DAAM1: variants seen among roughly 807,000 people sequenced by gnomAD.
The protein encoded by DAAM1 is dishevelled associated activator of morphogenesis 1, also known as disheveled-associated activator of morphogenesis 1.
DAAM1 carries 52 observed loss-of-function variants against 130.0 expected under a neutral mutation model. That is an observed-to-expected ratio of 0.40 (90% CI 0.32 to 0.50). The LOEUF (loss-of-function observed/expected upper bound fraction) is 0.50, where lower values mean the gene tolerates loss of function less well. DAAM1 is among the 20% of genes least tolerant of loss of function. The probability of loss-of-function intolerance (pLI) is 0.61; values close to 1 mark genes in which losing one functional copy is unlikely to be tolerated. For synonymous variants in DAAM1, 452 were observed against 444.5 expected, an observed-to-expected ratio of 1.02 and a Z score of -0.21; for missense variants, 1,134 against 1,303.8, an observed-to-expected ratio of 0.87 and a Z score of 2.01.
At chr14:59,327,084 G>A (rs550855233) in intron 12 of DAAM1, 93 bp downstream of exon 12, 38 of 1,401,812 alleles carry the variant, frequency 2.7e-5, no homozygotes, top group Admixed American at 1.1e-4. Flanking sequence ...GATGTTTCTT[G>A]TTAGCTTGGT....
rs566551485 is a variant in DAAM1, at chr14:59,259,459, G to A, written c.-37-3982G>A. On this transcript the variant is annotated intron_variant, in intron 1 of 24. Transcript: ENST00000360909. ...CTATTTTAGCTTACTTAATTTTCTTGCCCTCATTTCCTGGTAGCCTGAACA... is the reference window on the plus strand; with the variant it reads ...CTATTTTAGCTTACTTAATTTTCTTACCCTCATTTCCTGGTAGCCTGAACA... Among the ~76,000 whole-genome samples the A allele has an allele frequency of 2.0e-5, 3 of 152,228 alleles. No individual in the cohort carries two copies. In the East Asian group the frequency reaches 5.8e-4, roughly 29 times the overall value.
At chr14:59,259,999 G>C (rs72726353) in intron 1 of DAAM1, among the ~76,000 whole-genome samples, 33,478 of 151,940 alleles carry the variant, frequency 0.22, 3,797 homozygotes, top group East Asian at 0.33. Context: ...AGCTGAGATC[G>C]CGCCACTGCA....
chr14:59,291,349 T>C (rs550428888), intron 3 of DAAM1, 43 bp downstream of exon 3: 79 of 1,439,816 alleles, frequency 5.5e-5, no homozygotes, highest in East Asian at 1.2e-4. Context: ...AAAATAATCA[T>C]TGATTCCATT....
chr14:59,227,826 AG>A (rs1566658048), intron 1 of DAAM1, among the ~76,000 whole-genome samples: 1 of 152,226 alleles, frequency 6.6e-6, no homozygotes, highest in African/African-American at 2.4e-5. Context: ...GAGCACCCAT[AG>A]GGGCACCCAG....
At chr14:59,255,614 T>A (rs1474176315) in intron 1 of DAAM1, among the ~76,000 whole-genome samples, 1 of 152,202 alleles carries the variant, frequency 6.6e-6, no homozygotes, top group East Asian at 1.9e-4. Context: ...TGAGGTAAAC[T>A]GCAGTTCTGA....
rs1322986186 is a variant in DAAM1, at chr14:59,249,666, A to C, written c.-37-13775A>C. ...TCAAGACCATCTCTTTCCCCTTGTA[A>C]ATTCAGTCACCATTTTTCATTTTAT... On this transcript the variant is annotated intron_variant, in intron 1 of 24. Coordinates refer to ENST00000360909, the MANE Select transcript of DAAM1 (RefSeq NM_001270520.2). Among the ~76,000 whole-genome samples the C allele has an allele frequency of 1.3e-5, 2 of 152,188 alleles. 1 individual carries two copies. The highest frequency in any genetic ancestry group is 3.8e-4 in the East Asian group (2 of 5,206).
At chr14:59,294,714 A>G (rs1883886345) in intron 3 of DAAM1, among the ~76,000 whole-genome samples, 1 of 152,202 alleles carries the variant, frequency 6.6e-6, no homozygotes, top group South Asian at 2.1e-4. Context: ...TGTTTAAATG[A>G]GGTTTTTCCC....
intron 1 of DAAM1, among the ~76,000 whole-genome samples, chr14:59,197,456 C>A (rs1566644150): frequency 6.6e-6 from 1 of 152,190 alleles, no homozygotes; most frequent in Non-Finnish European, 1.5e-5. Flanking sequence ...CTGACCGCAC[C>A]ATGTTCTCAG....
intron 2 of DAAM1, among the ~76,000 whole-genome samples, chr14:59,272,806 G>T (rs1366287188): frequency 6.6e-6 from 1 of 152,146 alleles, no homozygotes; most frequent in African/African-American, 2.4e-5. Context: ...GTAGATATGG[G>T]CTTAAATGTG....
chr14:59,274,047 C>T (rs933083532), intron 2 of DAAM1, among the ~76,000 whole-genome samples: 8 of 152,118 alleles, frequency 5.3e-5, no homozygotes. Flanking sequence ...GTTCTTGGTG[C>T]GTGTTACAAG....
chr14:59,279,696 G>A (rs1883125310), intron 2 of DAAM1, among the ~76,000 whole-genome samples: 1 of 152,048 alleles, frequency 6.6e-6, no homozygotes, highest in Non-Finnish European at 1.5e-5. Flanking sequence ...ATTTCTTAGA[G>A]AAGATTTACA....
intron 1 of DAAM1, among the ~76,000 whole-genome samples, chr14:59,236,791 G>A (rs1055373614): frequency 6.6e-6 from 1 of 152,156 alleles, no homozygotes; most frequent in Non-Finnish European, 1.5e-5. Flanking sequence ...GGTGTTCAGT[G>A]TATGTTTGTA....
chr14:59,212,632 G>A (rs1369122228), intron 1 of DAAM1, among the ~76,000 whole-genome samples: 2 of 152,164 alleles, frequency 1.3e-5, no homozygotes, highest in Non-Finnish European at 2.9e-5. Flanking sequence ...TTCCTACCCA[G>A]CTTGGACATG....
intron 1 of DAAM1, among the ~76,000 whole-genome samples, chr14:59,199,378 G>A (rs544050175): frequency 2.6e-5 from 4 of 152,260 alleles, no homozygotes; most frequent in Admixed American, 6.5e-5. Context: ...GATTACAGGC[G>A]CATGCAACCG....
intron 1 of DAAM1, among the ~76,000 whole-genome samples, chr14:59,259,273 C>T (rs1882056326): frequency 6.6e-6 from 1 of 152,162 alleles, no homozygotes; most frequent in South Asian, 2.1e-4. Flanking sequence ...CCTCGATTTA[C>T]AGTTAACTGT....
intron 1 of DAAM1, among the ~76,000 whole-genome samples, chr14:59,244,114 G>A (rs1267132489): frequency 6.6e-6 from 1 of 152,084 alleles, no homozygotes; most frequent in Non-Finnish European, 1.5e-5. Context: ...TGAATCATGG[G>A]GGTGATTTCC....
chr14:59,271,996 A>G (rs147602591), intron 2 of DAAM1, among the ~76,000 whole-genome samples: 114 of 152,348 alleles, frequency 7.5e-4, no homozygotes, highest in African/African-American at 2.3e-3. Flanking sequence ...GTAAAGAGTC[A>G]TAGTTTTAAT....
intron 2 of DAAM1, among the ~76,000 whole-genome samples, chr14:59,281,409 A>G (rs553994593): frequency 3.3e-5 from 5 of 152,258 alleles, no homozygotes; most frequent in Middle Eastern, 6.8e-3. Flanking sequence ...CCCTTCCCCA[A>G]GCTAGCTTTG....
At chr14:59,231,665 A>G (rs1889111032) in intron 1 of DAAM1, among the ~76,000 whole-genome samples, 1 of 152,172 alleles carries the variant, frequency 6.6e-6, no homozygotes, top group African/African-American at 2.4e-5. Context: ...TCCTCACTGT[A>G]TAACATGCCA....
Sources: gnomAD v4.1 joint callset for allele counts (sites outside exome capture counted in the v4.1 genomes callset) on GRCh38, gnomAD v4.1.1 for gene constraint, MANE v1.5 for transcripts, NCBI Gene and HGNC (gene_info 2026-07-23, HGNC 2026-07-21) for gene names.